ARL6IP6: variants seen among roughly 807,000 people sequenced by gnomAD.
ARL6IP6 encodes the protein ADP-ribosylation factor-like protein 6-interacting protein 6.
In ARL6IP6, 22 loss-of-function variants were observed where a neutral mutation model predicts 21.5. The observed-to-expected ratio is 1.02, with a 90% CI of 0.73 to 1.46. The LOEUF is 1.46. Among genes scored for constraint, ARL6IP6 ranks in the 40% most tolerant of loss-of-function variants. The pLI, the probability that ARL6IP6 is intolerant of heterozygous loss-of-function variation, is 0.00. For synonymous variants in ARL6IP6, 164 were observed against 125.3 expected (o/e 1.31, Z -2.06); for missense variants, 388 against 299.8 (o/e 1.29, Z -2.17).
chr2:152,746,247 G>A (rs937708161), intron 3 of ARL6IP6, among the ~76,000 whole-genome samples: 1 of 151,844 alleles, frequency 6.6e-6, no homozygotes, highest in Non-Finnish European at 1.5e-5. Context: ...AGCTGGTCTC[G>A]AACTCCTGGG....
chr2:152,733,452 G>T (rs537970611), intron 2 of ARL6IP6, among the ~76,000 whole-genome samples: 5 of 152,060 alleles, frequency 3.3e-5, no homozygotes, highest in Admixed American at 3.3e-4. Flanking sequence ...TTTAGTAGAG[G>T]TGGTTTCACC....
intron 2 of ARL6IP6, chr2:152,732,521 TGGC>T: frequency 2.2e-6 from 1 of 445,604 alleles, no homozygotes; most frequent in Non-Finnish European, 4.6e-6. Context: ...TTTTTTTTAT[TGGC>T]TTCTAGGAAT....
At chr2:152,742,708 C>G (rs559709244) in intron 3 of ARL6IP6, among the ~76,000 whole-genome samples, 10 of 151,542 alleles carry the variant, frequency 6.6e-5, no homozygotes, top group African/African-American at 2.4e-4. Flanking sequence ...TTTTCCTGAA[C>G]AAGTCTACCT....
chr2:152,734,301 T>C (rs1028001113), intron 2 of ARL6IP6, among the ~76,000 whole-genome samples: 6 of 152,212 alleles, frequency 3.9e-5, no homozygotes, highest in Non-Finnish European at 7.3e-5. Context: ...GAGTCAACTT[T>C]TGTTCATATA....
Position 152,739,019 on chromosome 2 carries a change from G to A in ARL6IP6, c.587+3893G>A, listed in dbSNP as rs575101349. 1.7e-4 allele frequency among the ~76,000 whole-genome samples: 26 copies of A among 150,578 alleles called. No individual in the cohort carries two copies. In the South Asian group the frequency reaches 4.8e-3, roughly 28 times the overall value. ...TTTTTGGGAGATGGAGTCTTGCTCT[G>A]TCACCCAGGCTGGAGTGCAGTGGCG... On this transcript the variant is annotated intron_variant, in intron 3 of 3. Transcript: ENST00000326446.
chr2:152,741,984 T>A (rs1281284369), intron 3 of ARL6IP6, among the ~76,000 whole-genome samples: 12 of 152,174 alleles, frequency 7.9e-5, no homozygotes, highest in Admixed American at 7.9e-4. Flanking sequence ...AAGTTTAGAT[T>A]TTTTGGAATA....
chr2:152,759,922 GA>G lies in ARL6IP6; in HGVS notation c.*84del, dbSNP rs1701758617. 1.7e-5 allele frequency: 20 copies of G among 1,149,720 alleles called. No individual in the cohort carries two copies. In the East Asian group the frequency reaches 4.7e-4, roughly 27 times the overall value. The allele number at this position is 1,149,720 out of a possible 1,614,324, so 71.2% of individuals were successfully genotyped here. On this transcript the variant is annotated 3_prime_UTR_variant, in exon 4 of 4. Coordinates refer to ENST00000326446, the MANE Select transcript of ARL6IP6 (RefSeq NM_152522.7). ...AAGAAGGAGCATCACTGTCTACTCA[GA>G]AGACTGAGAAACCTGCTGTTCATTA...
intron 1 of ARL6IP6, 40 bp from the exon 2 acceptor site, chr2:152,720,493 A>G (rs1478173963): frequency 1.9e-6 from 3 of 1,587,776 alleles, no homozygotes; most frequent in East Asian, 2.2e-5. Context: ...TTCAAATTAT[A>G]GTATTGCTTT....
intron 3 of ARL6IP6, among the ~76,000 whole-genome samples, chr2:152,754,781 A>G (rs770457057): frequency 3.3e-5 from 5 of 151,998 alleles, no homozygotes; most frequent in Non-Finnish European, 7.4e-5. Flanking sequence ...AAGATGTGCT[A>G]TATCTCTTGT....
Position 152,734,937 on chromosome 2 carries a change from A to G in ARL6IP6, c.455-57A>G. 2 of 1,522,730 alleles carry G rather than the reference A, an allele frequency of 1.3e-6. 1 individual carries two copies. Among genetic ancestry groups the G allele is most frequent in the Non-Finnish European group, 1.8e-6 (2 of 1,102,468 alleles). The allele number at this position is 1,522,730 out of a possible 1,614,324, so 94.3% of individuals were successfully genotyped here. On this transcript the variant is annotated intron_variant, in intron 2 of 3. Transcript: ENST00000326446. ...GATCTGAACATGAGAGTACTGGTTTAATTTAAATTGTTTTGGTGTTAATAA... is the reference window on the plus strand; with the variant it reads ...GATCTGAACATGAGAGTACTGGTTTGATTTAAATTGTTTTGGTGTTAATAA...
intron 3 of ARL6IP6, among the ~76,000 whole-genome samples, chr2:152,743,754 C>T (rs1404977602): frequency 6.6e-6 from 1 of 152,058 alleles, no homozygotes; most frequent in African/African-American, 2.4e-5. Flanking sequence ...AAATAAAGTA[C>T]TGCTGGAAAT....
intron 3 of ARL6IP6, among the ~76,000 whole-genome samples, chr2:152,740,496 A>G (rs1417820524): frequency 6.6e-6 from 1 of 150,472 alleles, no homozygotes; most frequent in African/African-American, 2.4e-5. Flanking sequence ...TATATAAAAT[A>G]TATGTTGTGT....
chr2:152,723,965 T>C (rs912196534), intron 2 of ARL6IP6, among the ~76,000 whole-genome samples: 1 of 152,112 alleles, frequency 6.6e-6, no homozygotes, highest in Non-Finnish European at 1.5e-5. Flanking sequence ...TATACTCTAT[T>C]AAGAAAGTGT....
chr2:152,733,551 C>T (rs958579931), intron 2 of ARL6IP6, among the ~76,000 whole-genome samples: 13 of 152,208 alleles, frequency 8.5e-5, no homozygotes, highest in Admixed American at 3.3e-4. Context: ...GCATGAGCCA[C>T]CACGCCCGGC....
At chr2:152,755,584 T>C (rs928180754) in intron 3 of ARL6IP6, among the ~76,000 whole-genome samples, 1 of 152,222 alleles carries the variant, frequency 6.6e-6, no homozygotes, top group Non-Finnish European at 1.5e-5. Flanking sequence ...CCTCTCTCTC[T>C]CTGCCTTGGC....
chr2:152,755,709 TAAC>T (rs1701556239), intron 3 of ARL6IP6, among the ~76,000 whole-genome samples: 1 of 152,148 alleles, frequency 6.6e-6, no homozygotes, highest in Admixed American at 6.5e-5. Context: ...ATCCAATAAA[TAAC>T]AGCGCAGCTA....
Position 152,718,661 on chromosome 2 carries a change from C to A in ARL6IP6, c.37C>A (p.Arg13=). The stretch of plus-strand genomic sequence containing the variant: ...TGAGAGCGGGTGGCGGTCGGCTCTG[C>A]GGCGCCGCGGTCCCGGCACCCCGGG... ...FAESGWRSAL[R]RRGPGTPGPV... is the part of the protein sequence containing the mutation. Residue 13 remains arginine, a synonymous_variant, in exon 1 of 4, where the codon CGG becomes AGG. Coordinates refer to ENST00000326446, the MANE Select transcript of ARL6IP6 (RefSeq NM_152522.7). 6.4e-7 allele frequency: 1 copy of A among 1,565,056 alleles called. No individual in the cohort carries two copies. Among genetic ancestry groups the A allele is most frequent in the Non-Finnish European group, 8.7e-7 (1 of 1,154,744 alleles).
chr2:152,728,473 C>T (rs1700147152), intron 2 of ARL6IP6, among the ~76,000 whole-genome samples: 2 of 152,140 alleles, frequency 1.3e-5, no homozygotes, highest in South Asian at 4.1e-4. Flanking sequence ...AAAGTTGCCT[C>T]ATCCCCGTAA....
At chr2:152,718,460 C>T (rs905631656), upstream of ARL6IP6, 21 of 996,114 alleles carry the variant, frequency 2.1e-5, no homozygotes, top group Non-Finnish European at 2.7e-5. Context: ...TCCTTTGGCC[C>T]TGCGGCTTCC....
Sources: allele counts gnomAD v4.1 joint callset (sites outside exome capture counted in the v4.1 genomes callset), GRCh38; gene constraint gnomAD v4.1.1; transcripts MANE v1.5; gene names NCBI Gene and HGNC (gene_info 2026-07-23, HGNC 2026-07-21).